The following NSG2 variants were observed in gnomAD, a reference collection of about 807,000 sequenced individuals.
The protein encoded by NSG2 is neuronal vesicle trafficking-associated protein 2.
In NSG2, 4 loss-of-function variants were observed where a neutral mutation model predicts 16.9. That is an observed-to-expected ratio of 0.24 (90% confidence interval 0.12 to 0.54). The LOEUF (loss-of-function observed/expected upper bound fraction) is 0.54, where lower values mean the gene tolerates loss of function less well. Among genes scored for constraint, NSG2 ranks in the 20% least tolerant of loss-of-function variants. The pLI is 0.95. For synonymous variants in NSG2, 98 were observed against 88.7 expected, an observed-to-expected ratio of 1.11 and a Z score of -0.59; for missense variants, 179 against 221.1, an observed-to-expected ratio of 0.81 and a Z score of 1.21.
rs192502323 is a variant in NSG2, at chr5:174,073,649, G to T, written c.213+9334G>T. On this transcript the variant is annotated intron_variant, in intron 3 of 4. Coordinates refer to ENST00000303177, the MANE Select transcript of NSG2 (RefSeq NM_015980.5). ...GCTGTTATTAATTGATAGTTGCAAAGCAATCGTGGCTTAATTTTTTAACGA... is the reference window on the plus strand; with the variant it reads ...GCTGTTATTAATTGATAGTTGCAAATCAATCGTGGCTTAATTTTTTAACGA... 7.4e-4 allele frequency among the ~76,000 whole-genome samples: 113 copies of T among 152,306 alleles called. 1 individual carries two copies. The highest frequency in any genetic ancestry group is 2.7e-3 in the African/African-American group (112 of 41,566).
chr5:174,070,927 C>G (rs1362063362), intron 3 of NSG2, among the ~76,000 whole-genome samples: 1 of 152,236 alleles, frequency 6.6e-6, no homozygotes, highest in African/African-American at 2.4e-5. Flanking sequence ...ATTGTGGGCC[C>G]TGTCTCTTGG....
intron 3 of NSG2, among the ~76,000 whole-genome samples, chr5:174,095,999 G>A (rs1362763186): frequency 6.6e-6 from 1 of 152,210 alleles, no homozygotes. Context: ...TGCCTGGCTG[G>A]ATTACTTAAT....
intron 3 of NSG2, among the ~76,000 whole-genome samples, chr5:174,102,487 C>G (rs1760910547): frequency 6.6e-6 from 1 of 152,170 alleles, no homozygotes; most frequent in South Asian, 2.1e-4. Flanking sequence ...CACACAAATT[C>G]TGCTTGTAAT....
chr5:174,101,143 G>T (rs1390552398), intron 3 of NSG2, among the ~76,000 whole-genome samples: 9 of 152,230 alleles, frequency 5.9e-5, no homozygotes, highest in African/African-American at 2.2e-4. Context: ...CTGGGCCCAG[G>T]TGTGTTCTCT....
In NSG2 at chr5:174,108,300, G is replaced by A; in HGVS notation, c.*795G>A. On this transcript the variant is annotated 3_prime_UTR_variant, in exon 5 of 5. Transcript: ENST00000303177. ...TTTTCTAGATCCACACCTGGATACT[G>A]CCCATGTTGACGAGACAGCAGCAGG... is the stretch of plus-strand genomic sequence containing the variant. 1 of 156,800 alleles carries A rather than the reference G, an allele frequency of 6.4e-6. No homozygotes were observed. The highest frequency in any genetic ancestry group is 1.4e-5 in the Non-Finnish European group (1 of 70,696). The allele number at this position is 156,800 out of a possible 1,614,324, so 9.7% of individuals were successfully genotyped here.
chr5:174,063,691 C>A lies in NSG2; in HGVS notation c.130-541C>A, dbSNP rs985360185. Among the ~76,000 whole-genome samples, 9 of 151,964 alleles carry A rather than the reference C, an allele frequency of 5.9e-5. No individual in the cohort carries two copies. In the East Asian group the frequency reaches 1.6e-3, roughly 26 times the overall value. The stretch of plus-strand genomic sequence containing the variant: ...ACATCATGGAGAATGGGGTATTTAT[C>A]CCCTCCATCCCCTCCATTTATCCTT... On this transcript the variant is annotated intron_variant, in intron 2 of 4. Transcript: ENST00000303177.
chr5:174,076,285 A>G (rs115940938), intron 3 of NSG2, among the ~76,000 whole-genome samples: 2,436 of 152,268 alleles, frequency 0.016, 27 homozygotes, highest in Non-Finnish European at 0.021. Context: ...GAGCAAATGA[A>G]AAATGAAAAT....
chr5:174,052,283 G>A (rs144047672), intron 2 of NSG2, among the ~76,000 whole-genome samples: 1 of 152,152 alleles, frequency 6.6e-6, no homozygotes, highest in African/African-American at 2.4e-5. Flanking sequence ...GGAGGAGAGG[G>A]TAGTGGGGCA....
chr5:174,058,079 G>A (rs1759992889), intron 2 of NSG2, among the ~76,000 whole-genome samples: 1 of 152,192 alleles, frequency 6.6e-6, no homozygotes, highest in Non-Finnish European at 1.5e-5. Context: ...GAGAGATTCT[G>A]TGTTTGATTT....
chr5:174,066,184 C>CT (rs1561664386), intron 3 of NSG2: 1 of 456,204 alleles, frequency 2.2e-6, no homozygotes. Context: ...GCTGGTCTTA[C>CT]TTTTTTATTG....
At chr5:174,059,093 A>T (rs991235454) in intron 2 of NSG2, among the ~76,000 whole-genome samples, 2 of 152,242 alleles carry the variant, frequency 1.3e-5, no homozygotes, top group African/African-American at 4.8e-5. Flanking sequence ...GCCTAATTTC[A>T]GTACCCTCTA....
chr5:174,074,081 C>T (rs1228252887), intron 3 of NSG2, among the ~76,000 whole-genome samples: 2 of 152,158 alleles, frequency 1.3e-5, no homozygotes, highest in East Asian at 3.9e-4. Context: ...ATCTCCTCCT[C>T]TCCCCCCAAG....
At chr5:174,049,455 A>C (rs1759854311) in intron 2 of NSG2, among the ~76,000 whole-genome samples, 1 of 152,224 alleles carries the variant, frequency 6.6e-6, no homozygotes, top group South Asian at 2.1e-4. Context: ...GCACACACAC[A>C]CACACACAAT....
intron 3 of NSG2, among the ~76,000 whole-genome samples, chr5:174,093,753 T>G (rs565262987): frequency 3.3e-5 from 5 of 152,328 alleles, no homozygotes; most frequent in African/African-American, 9.6e-5. Context: ...TTAATTTCCC[T>G]GATGTGAGTG....
intron 3 of NSG2, among the ~76,000 whole-genome samples, chr5:174,089,025 G>A (rs552426651): frequency 6.6e-6 from 1 of 152,304 alleles, no homozygotes; most frequent in South Asian, 2.1e-4. Flanking sequence ...GCCCCTTGAA[G>A]GGGCTGAGTG....
chr5:174,073,031 CA>C (rs1280049034), intron 3 of NSG2, among the ~76,000 whole-genome samples: 1 of 151,798 alleles, frequency 6.6e-6, no homozygotes, highest in Non-Finnish European at 1.5e-5. Flanking sequence ...AATGAGCAAA[CA>C]AAAAAAATCC....
Position 174,104,533 on chromosome 5 carries a change from C to T in NSG2, c.324+195C>T, listed in dbSNP as rs189023501. On this transcript the variant is annotated intron_variant, in intron 4 of 4. Transcript: ENST00000303177. ...TCTCCAGTAAGCAGTAGAGTTCCTC[C>T]CCCAAGATGGTGCTCTCCAGGGTCA... is the stretch of plus-strand genomic sequence containing the variant. Among the ~76,000 whole-genome samples, 65 of 152,306 alleles carry T rather than the reference C, an allele frequency of 4.3e-4. 1 individual carries two copies. The East Asian group carries it at 8.1e-3, about 19-fold the overall frequency.
chr5:174,105,335 T>C (rs529106695), intron 4 of NSG2, among the ~76,000 whole-genome samples: 19 of 152,206 alleles, frequency 1.2e-4, no homozygotes, highest in Admixed American at 1.2e-3. Flanking sequence ...GCTGGTTGAC[T>C]CACCTATCAC....
At chr5:174,083,139 C>T (rs1240214087) in intron 3 of NSG2, among the ~76,000 whole-genome samples, 2 of 152,194 alleles carry the variant, frequency 1.3e-5, no homozygotes, top group Admixed American at 6.5e-5. Flanking sequence ...GAGCCCCACT[C>T]CCCAGTGCCA....
Sources: allele counts gnomAD v4.1 joint callset (sites outside exome capture counted in the v4.1 genomes callset), GRCh38; gene constraint gnomAD v4.1.1; transcripts MANE v1.5; gene names NCBI Gene and HGNC (gene_info 2026-07-23, HGNC 2026-07-21).